NRG1: variants seen among roughly 807,000 people sequenced by gnomAD.
NRG1 encodes the protein neuregulin 1, also known as pro-neuregulin-1, membrane-bound isoform.
Under a neutral mutation model 63.8 loss-of-function variants are expected in NRG1, and 18 were observed. The observed-to-expected ratio is 0.28, with a 90% CI of 0.19 to 0.42. NRG1 has a LOEUF of 0.42. Ranked by LOEUF, NRG1 falls within the 10% of genes least tolerant of loss-of-function variation. The probability of loss-of-function intolerance (pLI) is 1.00; values close to 1 mark genes in which losing one functional copy is unlikely to be tolerated. For missense variants in NRG1, 762 were observed against 814.7 expected (o/e 0.94, Z 0.79); for synonymous variants, 302 against 301.3 (o/e 1.00, Z -0.02).
intron 1 of NRG1, among the ~76,000 whole-genome samples, chr8:31,786,680 C>T (rs1445616566): frequency 1.3e-5 from 2 of 152,186 alleles, no homozygotes; most frequent in Non-Finnish European, 2.9e-5. Context: ...CAGGAAAACA[C>T]TTACTTACAT....
At chr8:32,610,961 T>C (rs1261684846) in intron 3 of NRG1, among the ~76,000 whole-genome samples, 3 of 152,166 alleles carry the variant, frequency 2.0e-5, no homozygotes, top group Non-Finnish European at 4.4e-5. Context: ...ATTTGTGGTT[T>C]ATTTGGCTCA....
At chr8:32,256,671 G>A (rs1849754602) in intron 1 of NRG1, 1 of 152,620 alleles carries the variant, frequency 6.6e-6, no homozygotes, top group African/African-American at 2.4e-5. Flanking sequence ...TGTCCCAGAG[G>A]GACACCTGCC....
intron 1 of NRG1, among the ~76,000 whole-genome samples, chr8:31,761,251 A>G (rs920135636): frequency 2.0e-5 from 3 of 152,126 alleles, no homozygotes; most frequent in Admixed American, 6.6e-5. Context: ...GAATTGAACA[A>G]TGAGAACACA....
intron 5 of NRG1, among the ~76,000 whole-genome samples, chr8:32,663,630 A>C (rs571895189): frequency 6.6e-6 from 1 of 152,268 alleles, no homozygotes; most frequent in Admixed American, 6.5e-5. Context: ...TCCACATATT[A>C]TATCTTCTCT....
chr8:32,770,744 T>C (rs917005302), downstream of NRG1, among the ~76,000 whole-genome samples: 7 of 152,132 alleles, frequency 4.6e-5, no homozygotes, highest in Admixed American at 3.3e-4. Flanking sequence ...CTTAGAAACT[T>C]ACTGACTGTG....
intron 1 of NRG1, among the ~76,000 whole-genome samples, chr8:31,659,040 A>G (rs867526845): frequency 3.9e-5 from 6 of 152,162 alleles, no homozygotes. Context: ...TTCCCAGGTC[A>G]CCTTCAGATG....
intron 5 of NRG1, among the ~76,000 whole-genome samples, chr8:32,633,081 TC>T (rs1417232090): frequency 6.6e-6 from 1 of 152,252 alleles, no homozygotes; most frequent in Admixed American, 6.5e-5. Context: ...TTTTAGAATT[TC>T]TATGAAATTA....
intron 1 of NRG1, among the ~76,000 whole-genome samples, chr8:32,054,690 G>C (rs1471442342): frequency 6.6e-6 from 1 of 151,950 alleles, no homozygotes; most frequent in Non-Finnish European, 1.5e-5. Context: ...AATTAACTGG[G>C]TAATGAAGAC....
At chr8:31,657,342 G>T (rs376126323) in intron 1 of NRG1, among the ~76,000 whole-genome samples, 14 of 152,290 alleles carry the variant, frequency 9.2e-5, no homozygotes, top group African/African-American at 3.4e-4. Context: ...GGGAAGACAA[G>T]TTCTGAAACC....
intron 1 of NRG1, among the ~76,000 whole-genome samples, chr8:31,868,614 T>C (rs145864951): frequency 3.8e-4 from 58 of 152,344 alleles, no homozygotes; most frequent in Non-Finnish European, 7.1e-4. Context: ...TAAGCTGTTT[T>C]GGTCTTTCAA....
chr8:32,367,249 C>G (rs920304169), intron 1 of NRG1, among the ~76,000 whole-genome samples: 10 of 152,144 alleles, frequency 6.6e-5, no homozygotes, highest in African/African-American at 2.2e-4. Flanking sequence ...ATTTACATTA[C>G]CACCAGCAAT....
At chr8:32,722,064 A>C (rs1229285576) in intron 5 of NRG1, 1 of 1,519,300 alleles carries the variant, frequency 6.6e-7, no homozygotes, top group Non-Finnish European at 8.9e-7. Flanking sequence ...AAAAATCTGT[A>C]ATTTTGTAGT....
chr8:32,624,964 C>T (rs1283536292), intron 5 of NRG1, among the ~76,000 whole-genome samples: 7 of 152,076 alleles, frequency 4.6e-5, no homozygotes, highest in Admixed American at 2.0e-4. Flanking sequence ...AGAAAAAGAG[C>T]GTGCTTAGCC....
intron 1 of NRG1, among the ~76,000 whole-genome samples, chr8:31,703,616 A>T (rs1056696917): frequency 2.0e-5 from 3 of 152,198 alleles, no homozygotes; most frequent in Non-Finnish European, 2.9e-5. Context: ...CACATAGTTG[A>T]TGACCTTATA....
chr8:31,947,841 G>C (rs1422903041), intron 1 of NRG1, among the ~76,000 whole-genome samples: 1 of 149,122 alleles, frequency 6.7e-6, no homozygotes, highest in East Asian at 2.1e-4. Context: ...AGCTACTTGG[G>C]ATGCTGAGGC....
In NRG1 at chr8:31,640,751, G is replaced by A; in HGVS notation, c.37+1320G>A. On this transcript the variant is annotated intron_variant, in intron 1 of 10. Coordinates refer to the NRG1 transcript ENST00000519301. This position sits in a 1 kb window ranked among gnomAD's most constrained non-coding sequence, Gnocchi z 6.3. ...TGCGGTAAGTTCCTCGCCCTTGGGG[G>A]CGCGAACCCGCGGCGAGGAGGGCGC... 2 of 1,490,140 alleles carry A rather than the reference G, an allele frequency of 1.3e-6. No homozygotes were observed. Among genetic ancestry groups the A allele is most frequent in the Non-Finnish European group, 1.8e-6 (2 of 1,118,348 alleles). The allele number at this position is 1,490,140 out of a possible 1,614,324, so 92.3% of individuals were successfully genotyped here. A position where few individuals can be genotyped will look rare whatever the true frequency, so the allele number is the denominator to read the frequency against.
chr8:32,636,938 A>G (rs1370024803), intron 5 of NRG1, among the ~76,000 whole-genome samples: 4 of 152,174 alleles, frequency 2.6e-5, no homozygotes, highest in Admixed American at 6.6e-5. Context: ...GAAAAAAATA[A>G]GCAAGTGGAG....
intron 1 of NRG1, among the ~76,000 whole-genome samples, chr8:32,184,071 C>A (rs891745237): frequency 1.5e-5 from 2 of 129,270 alleles, no homozygotes; most frequent in Non-Finnish European, 3.2e-5. Flanking sequence ...CACATACACA[C>A]ACACAGTACT....
At chr8:32,466,414 G>A (rs1823075063) in intron 1 of NRG1, among the ~76,000 whole-genome samples, 2 of 150,418 alleles carry the variant, frequency 1.3e-5, no homozygotes, top group African/African-American at 4.9e-5. Flanking sequence ...TCACCCAGTA[G>A]CATCTAAAAG....
Sources: allele counts gnomAD v4.1 joint callset (sites outside exome capture counted in the v4.1 genomes callset), GRCh38; gene constraint gnomAD v4.1.1; non-coding constraint Gnocchi (gnomAD v3.1); transcripts MANE v1.5; gene names NCBI Gene and HGNC (gene_info 2026-07-23, HGNC 2026-07-21).